Variants in DPF3 observed in about 807,000 individuals in gnomAD.
DPF3 encodes the protein zinc finger protein DPF3.
In DPF3, 18 loss-of-function variants were observed where a neutral mutation model predicts 56.8. The observed-to-expected ratio is 0.32, with a 90% CI of 0.22 to 0.47. The LOEUF (loss-of-function observed/expected upper bound fraction) is 0.47, where lower values mean the gene tolerates loss of function less well. DPF3 is among the 20% of genes least tolerant of loss of function. The pLI is 1.00. For synonymous variants in DPF3, 188 were observed against 180.2 expected, an observed-to-expected ratio of 1.04 and a Z score of -0.35; for missense variants, 403 against 488.8, an observed-to-expected ratio of 0.82 and a Z score of 1.65.
At chr14:72,769,480 G>T (rs893341534) in intron 2 of DPF3, among the ~76,000 whole-genome samples, 1 of 152,174 alleles carries the variant, frequency 6.6e-6, no homozygotes, top group Non-Finnish European at 1.5e-5. Flanking sequence ...AAGAGATCAA[G>T]ACAATCCTGG....
At chr14:72,702,601 C>T (rs573337559) in intron 6 of DPF3, among the ~76,000 whole-genome samples, 3 of 152,266 alleles carry the variant, frequency 2.0e-5, no homozygotes, top group Admixed American at 2.0e-4. Context: ...GCCACCAACA[C>T]CTCCCAACGA....
chr14:72,820,723 T>C (rs1883493017), intron 1 of DPF3, among the ~76,000 whole-genome samples: 1 of 152,184 alleles, frequency 6.6e-6, no homozygotes, highest in Admixed American at 6.5e-5. Context: ...AGCCAGGCAC[T>C]GTGGTTCACA....
At chr14:72,676,706 C>T (rs1220064595) in intron 7 of DPF3, among the ~76,000 whole-genome samples, 2 of 152,206 alleles carry the variant, frequency 1.3e-5, no homozygotes, top group East Asian at 3.9e-4. Context: ...CTCTTGCCTG[C>T]TGCCATGTAA....
chr14:72,893,007 GGAAGGAAGGAAGGAAGGATGAAAAGGA>G (rs1886828665), intron 1 of DPF3, among the ~76,000 whole-genome samples: 2 of 131,538 alleles, frequency 1.5e-5, no homozygotes, highest in East Asian at 2.3e-4. Context: ...AAGGAAGGAA[GGAAGGAAGGAAGGAAGGATGAAAAGGA>G]GGAGGAAGGC....
At chr14:72,810,810 A>G (rs1442927743) in intron 1 of DPF3, among the ~76,000 whole-genome samples, 1 of 152,178 alleles carries the variant, frequency 6.6e-6, no homozygotes, top group Non-Finnish European at 1.5e-5. Context: ...ATTGCTGGAA[A>G]CAGAATCATT....
At chr14:72,756,664 T>C (rs1567222780) in intron 2 of DPF3, among the ~76,000 whole-genome samples, 1 of 151,884 alleles carries the variant, frequency 6.6e-6, no homozygotes, top group East Asian at 1.9e-4. Context: ...AATACAAAAA[T>C]TAGCCAGTAT....
intron 1 of DPF3, among the ~76,000 whole-genome samples, chr14:72,846,002 T>A (rs1201354273): frequency 6.6e-6 from 1 of 152,154 alleles, no homozygotes; most frequent in Non-Finnish European, 1.5e-5. Context: ...AAGAGTAAAA[T>A]TCTCCCCAGC....
intron 1 of DPF3, among the ~76,000 whole-genome samples, chr14:72,822,981 C>A (rs537029691): frequency 6.6e-6 from 1 of 152,214 alleles, no homozygotes; most frequent in East Asian, 1.9e-4. Context: ...TCGCTCCCAT[C>A]GGACTAGAAT....
At chr14:72,787,007 G>A (rs758121927) in intron 1 of DPF3, among the ~76,000 whole-genome samples, 4 of 152,248 alleles carry the variant, frequency 2.6e-5, no homozygotes, top group Non-Finnish European at 4.4e-5. Flanking sequence ...AGACTTGAGA[G>A]CATTGCCCTC....
At chr14:72,743,851 A>T (rs1890227495) in intron 3 of DPF3, among the ~76,000 whole-genome samples, 1 of 152,220 alleles carries the variant, frequency 6.6e-6, no homozygotes, top group African/African-American at 2.4e-5. Context: ...TAGAATTGTG[A>T]TGTCTACATC....
intron 2 of DPF3, among the ~76,000 whole-genome samples, chr14:72,757,793 T>C (rs1405892885): frequency 2.6e-5 from 4 of 152,176 alleles, no homozygotes. Flanking sequence ...CCCACAGATT[T>C]TGGTATCTTC....
At chr14:72,875,852 A>G (rs898295680) in intron 1 of DPF3, among the ~76,000 whole-genome samples, 8 of 152,110 alleles carry the variant, frequency 5.3e-5, no homozygotes, top group African/African-American at 1.7e-4. Flanking sequence ...CTACCATCAG[A>G]ATAAACCACC....
rs78702042 is a variant in DPF3, at chr14:72,886,611, C to T, written c.32+7446G>A. On this transcript the variant is annotated intron_variant, in intron 1 of 10. Coordinates refer to ENST00000556509, the MANE Select transcript of DPF3 (RefSeq NM_001280542.3). ...ACAATAAAGAAAAATTGAGGGAATG[C>T]CTCTCTCTGCTGGAGGTCAGGGTGA... Among the ~76,000 whole-genome samples the T allele has an allele frequency of 5.3e-3, 809 of 152,126 alleles. 5 individuals carry two copies. Among genetic ancestry groups the T allele is most frequent in the African/African-American group, 0.019 (772 of 41,468 alleles).
rs983460660 is a variant in DPF3, at chr14:72,614,611, G to A, written c.*4686C>T. ...CCCTCACTGCCTTCTCTCCCCAGCT[G>A]GGTGAGGGGCTTACTTTGCCCTCAG... On this transcript the variant is annotated 3_prime_UTR_variant, in exon 11 of 11. Transcript: ENST00000556509. Among the ~76,000 whole-genome samples, 2 of 151,952 alleles carry A rather than the reference G, an allele frequency of 1.3e-5. No individual in the cohort carries two copies. Among genetic ancestry groups the A allele is most frequent in the Admixed American group, 1.3e-4 (2 of 15,256 alleles).
intron 1 of DPF3, among the ~76,000 whole-genome samples, chr14:72,835,487 G>C (rs1404501043): frequency 6.6e-6 from 1 of 152,184 alleles, no homozygotes; most frequent in Non-Finnish European, 1.5e-5. Context: ...TATGTTGTGT[G>C]AATTTTCTCT....
At chr14:72,833,988 C>G (rs1191277178) in intron 1 of DPF3, among the ~76,000 whole-genome samples, 1 of 151,896 alleles carries the variant, frequency 6.6e-6, no homozygotes, top group Non-Finnish European at 1.5e-5. Context: ...TCGAAACCAG[C>G]CTGGCTAACA....
chr14:72,646,392 T>C (rs1460492975), intron 8 of DPF3, among the ~76,000 whole-genome samples: 4 of 152,140 alleles, frequency 2.6e-5, no homozygotes, highest in Non-Finnish European at 1.5e-5. Flanking sequence ...AGCCCATGAG[T>C]GCCCTCAGCA....
intron 1 of DPF3, among the ~76,000 whole-genome samples, chr14:72,804,237 TC>T (rs1285410464): frequency 7.8e-6 from 1 of 128,218 alleles, no homozygotes; most frequent in Non-Finnish European, 1.7e-5. Flanking sequence ...AGACAAAGAT[TC>T]CCCCCTTCCA....
At position 72,610,719 on chromosome 14, in the gene DPF3, G is replaced by A. The variant is rs1196152298; in HGVS notation, c.*8578C>T. 2.0e-5 allele frequency among the ~76,000 whole-genome samples: 3 copies of A among 152,290 alleles called. No homozygotes were observed. In the East Asian group the frequency reaches 5.8e-4, roughly 29 times the overall value. ...CTGAGAGCGCGCTCAAGGGCAGGTG[G>A]GAGATGGAGCCTTCTCAGAGCTCAG... is the stretch of plus-strand genomic sequence containing the variant. On this transcript the variant is annotated 3_prime_UTR_variant, in exon 11 of 11. Transcript: ENST00000556509.
Sources: allele counts gnomAD v4.1 joint callset (sites outside exome capture counted in the v4.1 genomes callset), GRCh38; gene constraint gnomAD v4.1.1; transcripts MANE v1.5; gene names NCBI Gene and HGNC (gene_info 2026-07-23, HGNC 2026-07-21).